The following CEP162 variants were observed in gnomAD, a reference collection of about 807,000 sequenced individuals.
CEP162 encodes centrosomal protein of 162 kDa.
A neutral mutation model predicts 169.2 loss-of-function variants in CEP162; 141 were observed. The observed-to-expected ratio is 0.83, with a 90% CI of 0.73 to 0.96. The LOEUF (loss-of-function observed/expected upper bound fraction) is 0.96, where lower values mean the gene tolerates loss of function less well. Among genes scored for constraint, CEP162 ranks in the 40% least tolerant of loss-of-function variants. The pLI, the probability that CEP162 is intolerant of heterozygous loss-of-function variation, is 0.00. For synonymous variants in CEP162, 540 were observed against 526.4 expected (o/e 1.03, Z -0.35); for missense variants, 1,600 against 1,587.2 (o/e 1.01, Z -0.14).
intron 25 of CEP162, among the ~76,000 whole-genome samples, chr6:84,140,851 C>T (rs1275194084): frequency 6.6e-6 from 1 of 152,090 alleles, no homozygotes; most frequent in Non-Finnish European, 1.5e-5. Context: ...ATAAAAATAG[C>T]TTACTGGTCT....
intron 25 of CEP162, among the ~76,000 whole-genome samples, chr6:84,140,736 G>A (rs1055899958): frequency 6.6e-6 from 1 of 152,026 alleles, no homozygotes; most frequent in African/African-American, 2.4e-5. Context: ...TATTGCCCAG[G>A]CTGGTTTCAA....
At chr6:84,133,973 C>T (rs1317028492) in intron 25 of CEP162, among the ~76,000 whole-genome samples, 1 of 152,170 alleles carries the variant, frequency 6.6e-6, no homozygotes, top group Non-Finnish European at 1.5e-5. Flanking sequence ...GGAGCTGTTC[C>T]TCTTTGGCCA....
In CEP162 at chr6:84,153,179, T is replaced by G. The variant is rs145500351; in HGVS notation, c.2995A>C (p.Ile999Leu). ...TMEQQFQKMK[I>L]QYEQRLEQQE... ...TGCTCTAGTCTTTGTTCATACTGAA[T>G]CTGAAGGAAAGAATCCATGTAATGC... Residue 999 changes from isoleucine to leucine, a missense_variant and splice_region_variant, in exon 23 of 27, where the codon ATT becomes CTT. Ile to Leu is a conservative substitution (Grantham distance 5). Transcript: ENST00000403245. The G allele has an allele frequency of 7.0e-5, 111 of 1,587,724 alleles. No homozygotes were observed. In the African/African-American group the frequency reaches 1.4e-3, roughly 20 times the overall value.
At chr6:84,212,636 A>G (rs1322405645) in intron 6 of CEP162, among the ~76,000 whole-genome samples, 3 of 152,248 alleles carry the variant, frequency 2.0e-5, no homozygotes, top group Admixed American at 6.5e-5. Flanking sequence ...GATGAAAAGA[A>G]AACAAATGGC....
At chr6:84,189,629 G>A (rs1227503121) in intron 11 of CEP162, among the ~76,000 whole-genome samples, 1 of 152,210 alleles carries the variant, frequency 6.6e-6, no homozygotes, top group Non-Finnish European at 1.5e-5. Flanking sequence ...GGGACCTGCA[G>A]CCCGCCATGC....
At position 84,209,117 on chromosome 6, in the gene CEP162, T is replaced by A. The variant is rs116234775; in HGVS notation, c.571+3840A>T. ...CAGTATGGCATAGTGCTTAAGAGCA[T>A]GACCTGGAGCCAGAAGGCCTAAATT... On this transcript the variant is annotated intron_variant, in intron 6 of 26. Coordinates refer to ENST00000403245, the MANE Select transcript of CEP162 (RefSeq NM_014895.4). Among the ~76,000 whole-genome samples, 563 of 152,310 alleles carry A rather than the reference T, an allele frequency of 3.7e-3. 1 individual carries two copies. The highest frequency in any genetic ancestry group is 0.013 in the African/African-American group (524 of 41,568).
intron 18 of CEP162, among the ~76,000 whole-genome samples, chr6:84,165,146 C>A (rs1463421481): frequency 1.3e-5 from 2 of 151,808 alleles, no homozygotes; most frequent in African/African-American, 2.4e-5. Context: ...TTTCTGCTCA[C>A]ATGAAGCCCC....
At chr6:84,194,071 T>C (rs2127724092) in intron 10 of CEP162, among the ~76,000 whole-genome samples, 1 of 152,228 alleles carries the variant, frequency 6.6e-6, no homozygotes, top group South Asian at 2.1e-4. Context: ...GAAAAGAAAC[T>C]GGGCCAGGCG....
intron 22 of CEP162, among the ~76,000 whole-genome samples, chr6:84,154,341 T>C (rs1324907385): frequency 2.7e-5 from 4 of 150,918 alleles, no homozygotes; most frequent in Non-Finnish European, 2.9e-5. Context: ...TCTGTCTGTC[T>C]GTCTGTCTGT....
intron 22 of CEP162, among the ~76,000 whole-genome samples, chr6:84,154,764 A>T (rs1392769966): frequency 6.6e-6 from 1 of 152,162 alleles, no homozygotes; most frequent in Non-Finnish European, 1.5e-5. Context: ...AATTTTTTTT[A>T]AAGTAAATTA....
At chr6:84,174,246 G>A in intron 15 of CEP162, 58 bp from the exon 16 acceptor site, 1 of 1,378,158 alleles carries the variant, frequency 7.3e-7, no homozygotes, top group Non-Finnish European at 1.0e-6. Flanking sequence ...GGTGAGAAGT[G>A]AGAAAGAATA....
chr6:84,176,928 C>T (rs969092584), intron 13 of CEP162, among the ~76,000 whole-genome samples: 13 of 151,058 alleles, frequency 8.6e-5, no homozygotes, highest in Admixed American at 2.0e-4. Flanking sequence ...CGCTCTGTTT[C>T]CCAGGCTGGA....
Position 84,152,902 on chromosome 6 carries a change from T to C in CEP162, c.3272A>G (p.Asn1091Ser), listed in dbSNP as rs778616251. 8.1e-6 allele frequency: 13 copies of C among 1,613,680 alleles called. No homozygotes were observed. Among genetic ancestry groups the C allele is most frequent in the East Asian group, 4.5e-5 (2 of 44,874 alleles). The change falls in exon 23 of 27, where the codon AAT becomes AGT. Residue 1091 changes from asparagine to serine, a missense_variant. Physicochemically the swap from Asn to Ser is conservative, Grantham distance 46 (BLOSUM62 1). Transcript: ENST00000403245. ...AHAKAKLVRL[N>S]EELAAKKREI... ...TCTCTTTTTTGCAGCCAGTTCTTCA[T>C]TGAGTCTTACTAATTTAGCTTTAGC...
chr6:84,188,980 T>A (rs571768169), intron 11 of CEP162, among the ~76,000 whole-genome samples: 12 of 152,274 alleles, frequency 7.9e-5, no homozygotes, highest in Middle Eastern at 6.8e-3. Flanking sequence ...CTCTAATGAT[T>A]AGTGATGTTG....
chr6:84,209,456 C>A (rs2099548597), intron 6 of CEP162, among the ~76,000 whole-genome samples: 1 of 151,692 alleles, frequency 6.6e-6, no homozygotes, highest in South Asian at 2.1e-4. Context: ...CTCACTGCAA[C>A]CTCTGCCTCC....
At chr6:84,206,249 C>A (rs2099546922) in intron 6 of CEP162, among the ~76,000 whole-genome samples, 1 of 148,606 alleles carries the variant, frequency 6.7e-6, no homozygotes, top group African/African-American at 2.6e-5. Flanking sequence ...CAAAAAAGAG[C>A]CTGCATTACC....
At chr6:84,219,732 T>A (rs954185225) in intron 3 of CEP162, among the ~76,000 whole-genome samples, 20 of 152,198 alleles carry the variant, frequency 1.3e-4, no homozygotes, top group Non-Finnish European at 2.4e-4. Context: ...TACTTTAACA[T>A]GCATTTATTA....
intron 9 of CEP162, among the ~76,000 whole-genome samples, chr6:84,199,636 C>G (rs959844878): frequency 7.3e-5 from 11 of 149,882 alleles, no homozygotes; most frequent in Non-Finnish European, 1.6e-4. Flanking sequence ...TTCTATTACT[C>G]TTTTTTATCA....
chr6:84,147,615 A>G (rs1451607071), intron 24 of CEP162, among the ~76,000 whole-genome samples: 4 of 152,132 alleles, frequency 2.6e-5, no homozygotes, highest in Admixed American at 1.3e-4. Flanking sequence ...TATCTAAATC[A>G]TTATATATCA....
Sources: allele counts gnomAD v4.1 joint callset (sites outside exome capture counted in the v4.1 genomes callset), GRCh38; gene constraint gnomAD v4.1.1; transcripts MANE v1.5; gene names NCBI Gene and HGNC (gene_info 2026-07-23, HGNC 2026-07-21).